The following MYO1E variants were observed in gnomAD, a reference collection of about 807,000 sequenced individuals.
MYO1E encodes the protein myosin IE.
A neutral mutation model predicts 151.1 loss-of-function variants in MYO1E; 68 were observed. The observed-to-expected ratio is 0.45, with a 90% CI of 0.37 to 0.55. The LOEUF (loss-of-function observed/expected upper bound fraction) is 0.55, where lower values mean the gene tolerates loss of function less well. Ranked by LOEUF, MYO1E falls within the 20% of genes least tolerant of loss-of-function variation. The probability of loss-of-function intolerance (pLI) is 0.00; values close to 1 mark genes in which losing one functional copy is unlikely to be tolerated. For missense variants in MYO1E, 1,363 were observed against 1,389.3 expected (o/e 0.98, Z 0.30); for synonymous variants, 601 against 501.7 (o/e 1.20, Z -2.64).
In MYO1E at chr15:59,195,533, T is replaced by A. The variant is rs1174625581; in HGVS notation, c.1733A>T (p.Lys578Ile). The change falls in exon 17 of 28, where the codon AAA (lysine) becomes ATA (isoleucine). Residue 578 changes from lysine to isoleucine, a missense_variant. By Grantham distance (102) the Lys-to-Ile change is moderately radical. Coordinates refer to ENST00000288235, the MANE Select transcript of MYO1E (RefSeq NM_004998.4). ...QANDLVSTLM[K>I]CTPHYIRCIK... is the part of the protein sequence containing the mutation. ...GCAGCGAATGTAGTGGGGCGTACAT[T>A]TCATCAGGGTGCTCACAAGGTCATT... 6.2e-7 allele frequency: 1 copy of A among 1,614,002 alleles called. No homozygotes were observed. The highest frequency in any genetic ancestry group is 1.3e-5 in the African/African-American group (1 of 74,918).
intron 1 of MYO1E, among the ~76,000 whole-genome samples, chr15:59,364,244 G>A (rs375131894): frequency 3.3e-5 from 5 of 152,220 alleles, no homozygotes; most frequent in African/African-American, 1.2e-4. Flanking sequence ...TCACATATTT[G>A]AGTGTCAACG....
chr15:59,338,968 T>A (rs1464998302), intron 1 of MYO1E, among the ~76,000 whole-genome samples: 1 of 152,020 alleles, frequency 6.6e-6, no homozygotes, highest in African/African-American at 2.4e-5. Context: ...CTCATCTCTA[T>A]TAAAAATACA....
At chr15:59,179,903 G>A (rs746109525) in intron 18 of MYO1E, among the ~76,000 whole-genome samples, 8 of 152,236 alleles carry the variant, frequency 5.3e-5, no homozygotes, top group Non-Finnish European at 8.8e-5. Flanking sequence ...CGTGGCCCAC[G>A]TGAGAGCACA....
chr15:59,176,194 G>A (rs1364436043), intron 19 of MYO1E, among the ~76,000 whole-genome samples: 5 of 152,076 alleles, frequency 3.3e-5, no homozygotes, highest in Non-Finnish European at 7.4e-5. Flanking sequence ...GAGTAGCTGG[G>A]ACTACAGGCG....
intron 4 of MYO1E, among the ~76,000 whole-genome samples, chr15:59,249,869 C>T (rs1457186160): frequency 6.6e-6 from 1 of 152,180 alleles, no homozygotes; most frequent in Admixed American, 6.5e-5. Context: ...GTGTCAGGGG[C>T]TACAAACTTG....
At position 59,285,350 on chromosome 15, in the gene MYO1E, CTTTTTTT is replaced by C. The variant is rs368001329; in HGVS notation, c.4-12908_4-12902del. On this transcript the variant is annotated intron_variant, in intron 1 of 27. Coordinates refer to ENST00000288235, the MANE Select transcript of MYO1E (RefSeq NM_004998.4). ...CTGGGCAACACGCAAGACACTGTCT[CTTTTTTT>C]TTTTTTTTTTTTTTTTTTGAGACGG... is the stretch of plus-strand genomic sequence containing the variant. 6.7e-4 allele frequency among the ~76,000 whole-genome samples: 50 copies of C among 74,094 alleles called. No individual in the cohort carries two copies. In the South Asian group the frequency reaches 0.011, roughly 17 times the overall value. 48.6% of individuals were successfully genotyped at this position (74,094 alleles called of 152,430 possible).
intron 1 of MYO1E, among the ~76,000 whole-genome samples, chr15:59,324,091 T>G (rs2080646656): frequency 6.6e-6 from 1 of 152,128 alleles, no homozygotes; most frequent in Non-Finnish European, 1.5e-5. Context: ...AGGACCCACT[T>G]TGGCCACAAA....
intron 1 of MYO1E, among the ~76,000 whole-genome samples, chr15:59,329,873 T>C (rs1596421182): frequency 6.6e-6 from 1 of 152,248 alleles, no homozygotes. Flanking sequence ...TACCAATGAC[T>C]GTAAACGAAT....
At chr15:59,252,933 A>C (rs551105024) in intron 4 of MYO1E, among the ~76,000 whole-genome samples, 7 of 152,170 alleles carry the variant, frequency 4.6e-5, no homozygotes, top group Non-Finnish European at 7.3e-5. Context: ...AAGGCCCCTG[A>C]AGAGACTGTG....
chr15:59,201,106 A>G (rs1460610262), intron 16 of MYO1E, among the ~76,000 whole-genome samples: 1 of 140,154 alleles, frequency 7.1e-6, no homozygotes, highest in Non-Finnish European at 1.6e-5. Flanking sequence ...AATGACAAAA[A>G]CTATTTTTTT....
chr15:59,166,685 G>A (rs1391925075), intron 22 of MYO1E, among the ~76,000 whole-genome samples: 2 of 152,066 alleles, frequency 1.3e-5, no homozygotes, highest in East Asian at 1.9e-4. Context: ...GGCGAATCAA[G>A]AAGAAAATAA....
intron 4 of MYO1E, among the ~76,000 whole-genome samples, chr15:59,238,229 T>C (rs2080078596): frequency 1.3e-5 from 2 of 152,210 alleles, no homozygotes; most frequent in South Asian, 2.1e-4. Context: ...ACTCAGATGA[T>C]GTATTTACTA....
intron 24 of MYO1E, among the ~76,000 whole-genome samples, chr15:59,160,160 C>T (rs2079529322): frequency 6.6e-6 from 1 of 151,862 alleles, no homozygotes; most frequent in African/African-American, 2.4e-5. Context: ...TTATATAAGG[C>T]ATCTTCATGT....
chr15:59,151,889 T>TACACAC (rs34550013), intron 26 of MYO1E, among the ~76,000 whole-genome samples: 2,800 of 147,222 alleles, frequency 0.019, 83 homozygotes, highest in African/African-American at 0.063. Flanking sequence ...TCTACAAAAA[T>TACACAC]ACACACACAC....
chr15:59,138,462 C>G (rs1242013745), intron 26 of MYO1E, 95 bp from the exon 27 acceptor site: 8 of 1,366,158 alleles, frequency 5.9e-6, no homozygotes, highest in Admixed American at 5.4e-5. Flanking sequence ...CTGGCCTGTT[C>G]AAGTTCAAAT....
Position 59,134,780 on chromosome 15 carries a change from T to TGTATGTTCTTTCCTGGTAA in MYO1E, c.*2581_*2599dup, listed in dbSNP as rs2079362815. ...AGGTGGGGGTGGCCCCTTGATCTTCTGTATGTTCTTTCCTGGTAAGTGACT... is the reference window on the plus strand; with the variant it reads ...AGGTGGGGGTGGCCCCTTGATCTTCTGTATGTTCTTTCCTGGTAAGTATGTTCTTTCCTGGTAAGTGACT... On this transcript the variant is annotated 3_prime_UTR_variant, in exon 28 of 28. Coordinates refer to ENST00000288235, the MANE Select transcript of MYO1E (RefSeq NM_004998.4). The TGTATGTTCTTTCCTGGTAA allele has an allele frequency of 6.6e-6, 1 of 152,176 alleles. No homozygotes were observed. Among genetic ancestry groups the TGTATGTTCTTTCCTGGTAA allele is most frequent in the Non-Finnish European group, 1.5e-5 (1 of 68,064 alleles). 9.4% of individuals were successfully genotyped at this position (152,176 alleles called of 1,614,324 possible).
At position 59,136,193 on chromosome 15, in the gene MYO1E, T is replaced by C. The variant is rs7175697; in HGVS notation, c.*1187A>G. The C allele has an allele frequency of 0.039, 5,909 of 153,160 alleles. 191 individuals carry two copies. The highest frequency in any genetic ancestry group is 0.09 in the African/African-American group (3,748 of 41,516). 9.5% of individuals were successfully genotyped at this position (153,160 alleles called of 1,614,324 possible). A position where few individuals can be genotyped will look rare whatever the true frequency, so the allele number is the denominator to read the frequency against. On this transcript the variant is annotated 3_prime_UTR_variant, in exon 28 of 28. Transcript: ENST00000288235. ...CCCTTTTCATCAGGACACCATTATA[T>C]TGGATTAAGACCCACTCTAATGACT...
chr15:59,326,977 G>C (rs931467028), intron 1 of MYO1E, among the ~76,000 whole-genome samples: 11 of 152,196 alleles, frequency 7.2e-5, no homozygotes, highest in African/African-American at 2.7e-4. Flanking sequence ...GAGAATGTAG[G>C]ACAATCCTGA....
rs2079495359 is a variant in MYO1E, at chr15:59,153,802, G to T, written c.2879-11C>A. 1 of 1,608,268 alleles carries T rather than the reference G, an allele frequency of 6.2e-7. No individual in the cohort carries two copies. The highest frequency in any genetic ancestry group is 1.3e-5 in the African/African-American group (1 of 74,774). On this transcript the variant is annotated splice_polypyrimidine_tract_variant and intron_variant, in intron 25 of 27. Coordinates refer to ENST00000288235, the MANE Select transcript of MYO1E (RefSeq NM_004998.4). The stretch of plus-strand genomic sequence containing the variant: ...CGTTCTGATGGTATCCTAGAGAGAG[G>T]AACAGAGAAGGAAATAAGGCTCAGA...
Sources: allele counts gnomAD v4.1 joint callset (sites outside exome capture counted in the v4.1 genomes callset), GRCh38; gene constraint gnomAD v4.1.1; transcripts MANE v1.5; gene names NCBI Gene and HGNC (gene_info 2026-07-23, HGNC 2026-07-21).